The following SUPT3H variants were observed in gnomAD, a reference collection of about 807,000 sequenced individuals.
The protein encoded by SUPT3H is transcription initiation protein SPT3 homolog.
Under a neutral mutation model 44.3 loss-of-function variants are expected in SUPT3H, and 44 were observed. The ratio of observed to expected loss-of-function variants is 0.99; its 90% CI spans 0.78 to 1.28. SUPT3H has a LOEUF of 1.28. SUPT3H is among the 50% of genes most tolerant of loss of function. The probability of loss-of-function intolerance (pLI) is 0.00; values close to 1 mark genes in which losing one functional copy is unlikely to be tolerated. For synonymous variants in SUPT3H, 124 were observed against 125.6 expected, an observed-to-expected ratio of 0.99 and a Z score of 0.09; for missense variants, 380 against 387.1, an observed-to-expected ratio of 0.98 and a Z score of 0.15.
rs200711022 is a variant in SUPT3H, at chr6:45,181,869, T to TAATAAATA, written c.102-75871_102-75864dup. On this transcript the variant is annotated intron_variant, in intron 2 of 10. Transcript: ENST00000371459. Reference sequence around the variant, plus strand: ...TACCCTAAAACTTAAAGTATAATAATAATAAATAAATAAATAAATAAATAA... The same window carrying TAATAAATA: ...TACCCTAAAACTTAAAGTATAATAATAATAAATAAATAAATAAATAAATAAATAAATAA... 2.3e-3 allele frequency among the ~76,000 whole-genome samples: 337 copies of TAATAAATA among 147,632 alleles called. 1 individual carries two copies. The highest frequency in any genetic ancestry group is 7.6e-3 in the African/African-American group (309 of 40,540).
chr6:45,084,392 T>A (rs915408130), intron 3 of SUPT3H, among the ~76,000 whole-genome samples: 1 of 151,850 alleles, frequency 6.6e-6, no homozygotes, highest in African/African-American at 2.4e-5. Flanking sequence ...ATGAAAAAAA[T>A]TTCCATATCA....
intron 2 of SUPT3H, among the ~76,000 whole-genome samples, chr6:45,277,847 AAAC>A (rs1223985977): frequency 2.0e-5 from 3 of 152,222 alleles, no homozygotes; most frequent in Admixed American, 6.5e-5. Context: ...TTACTTTTTC[AAAC>A]AACTAAATGT....
At chr6:45,251,379 A>C (rs1584498473) in intron 2 of SUPT3H, among the ~76,000 whole-genome samples, 1 of 145,730 alleles carries the variant, frequency 6.9e-6, no homozygotes, top group African/African-American at 2.6e-5. Flanking sequence ...ATTCTAAATG[A>C]CTAAGAAGAG....
At chr6:45,363,662 C>T (rs1239378252) in intron 2 of SUPT3H, among the ~76,000 whole-genome samples, 1 of 151,676 alleles carries the variant, frequency 6.6e-6, no homozygotes, top group Admixed American at 6.6e-5. Context: ...AGCCACTAAA[C>T]TATAATGAAA....
At position 45,020,540 on chromosome 6, in the gene SUPT3H, T is replaced by A; in HGVS notation, c.273+6A>T. ...ATTTTAATACAATAAAATTATGTTA[T>A]ATTACCTTATCTTTGCGCATCAAAA... On this transcript the variant is annotated splice_donor_region_variant and intron_variant, in intron 4 of 10. Coordinates refer to ENST00000371459, the MANE Select transcript of SUPT3H (RefSeq NM_003599.4). 3.7e-6 allele frequency: 6 copies of A among 1,605,724 alleles called. No individual in the cohort carries two copies. Among genetic ancestry groups the A allele is most frequent in the Non-Finnish European group, 5.1e-6 (6 of 1,174,250 alleles).
intron 2 of SUPT3H, among the ~76,000 whole-genome samples, chr6:45,338,217 G>C (rs1283042685): frequency 6.6e-6 from 1 of 151,866 alleles, no homozygotes; most frequent in Non-Finnish European, 1.5e-5. Context: ...ACAATATTAT[G>C]CTTCCTCACA....
intron 6 of SUPT3H, among the ~76,000 whole-genome samples, chr6:44,963,871 C>T (rs746357294): frequency 5.3e-5 from 8 of 151,132 alleles, no homozygotes; most frequent in East Asian, 2.0e-4. Context: ...TGGTTGCATG[C>T]GGCTGTAGTC....
At chr6:45,279,314 T>C (rs1777542899) in intron 2 of SUPT3H, among the ~76,000 whole-genome samples, 1 of 152,084 alleles carries the variant, frequency 6.6e-6, no homozygotes, top group Non-Finnish European at 1.5e-5. Context: ...AGAGAAACCA[T>C]TTAAGTAGAG....
chr6:45,295,209 T>A (rs995009210), intron 2 of SUPT3H, among the ~76,000 whole-genome samples: 1 of 152,064 alleles, frequency 6.6e-6, no homozygotes, highest in African/African-American at 2.4e-5. Flanking sequence ...AGCCAACTGA[T>A]CTTTGAAAAA....
intron 3 of SUPT3H, among the ~76,000 whole-genome samples, chr6:45,060,085 G>GA (rs977723709): frequency 4.0e-5 from 6 of 151,366 alleles, no homozygotes; most frequent in East Asian, 1.9e-4. Context: ...TACAGAATTA[G>GA]AAAAAAAACT....
intron 2 of SUPT3H, among the ~76,000 whole-genome samples, chr6:45,219,505 T>G (rs1263854164): frequency 6.6e-6 from 1 of 152,090 alleles, no homozygotes; most frequent in Non-Finnish European, 1.5e-5. Flanking sequence ...TACAAACAAC[T>G]TTAGACTTAC....
intron 2 of SUPT3H, among the ~76,000 whole-genome samples, chr6:45,144,375 T>C (rs955905351): frequency 6.6e-6 from 1 of 151,626 alleles, no homozygotes; most frequent in Non-Finnish European, 1.5e-5. Flanking sequence ...AAATGTGATA[T>C]ATCACATAAA....
chr6:45,159,308 C>A (rs1456812865), intron 2 of SUPT3H: 1 of 152,196 alleles, frequency 6.6e-6, no homozygotes, highest in Non-Finnish European at 1.5e-5. Flanking sequence ...CACACCTGAA[C>A]GTAACTGGCT....
At chr6:45,077,514 C>A (rs758552779) in intron 3 of SUPT3H, among the ~76,000 whole-genome samples, 20 of 150,274 alleles carry the variant, frequency 1.3e-4, no homozygotes, top group Non-Finnish European at 2.2e-4. Flanking sequence ...ATAGTCCCAG[C>A]TATTCAGGAG....
chr6:45,376,504 A>G (rs1268507969), intron 1 of SUPT3H, among the ~76,000 whole-genome samples: 2 of 152,234 alleles, frequency 1.3e-5, no homozygotes, highest in Admixed American at 6.5e-5. Context: ...CTGAAGAGCC[A>G]CTGTGCCTAG....
intron 6 of SUPT3H, among the ~76,000 whole-genome samples, chr6:44,964,340 A>G (rs1436261816): frequency 6.6e-6 from 1 of 152,126 alleles, no homozygotes; most frequent in Non-Finnish European, 1.5e-5. Context: ...CAACCAATAA[A>G]TGGCTGGACA....
chr6:45,066,049 C>CA (rs918956253), intron 3 of SUPT3H, among the ~76,000 whole-genome samples: 4 of 136,448 alleles, frequency 2.9e-5, no homozygotes, highest in African/African-American at 1.1e-4. Flanking sequence ...AACATTGATG[C>CA]AAAAATCCTC....
chr6:44,809,878 A>G (rs1350712252), intron 11 of SUPT3H, among the ~76,000 whole-genome samples: 1 of 152,208 alleles, frequency 6.6e-6, no homozygotes, highest in Non-Finnish European at 1.5e-5. Flanking sequence ...AATTTCTCAA[A>G]CACCACACAG....
At chr6:45,037,673 ATAAT>A (rs777095168) in intron 3 of SUPT3H, among the ~76,000 whole-genome samples, 78 of 151,530 alleles carry the variant, frequency 5.1e-4, no homozygotes, top group Admixed American at 1.4e-3. Flanking sequence ...TAAAAATTAA[ATAAT>A]TAATTAATTA....
Sources: gnomAD v4.1 joint callset for allele counts (sites outside exome capture counted in the v4.1 genomes callset) on GRCh38, gnomAD v4.1.1 for gene constraint, MANE v1.5 for transcripts, NCBI Gene and HGNC (gene_info 2026-07-23, HGNC 2026-07-21) for gene names.